ZC3H4: variants seen among roughly 807,000 people sequenced by gnomAD.
ZC3H4 encodes zinc finger CCCH-type containing 4.
In ZC3H4, 13 loss-of-function variants were observed where a neutral mutation model predicts 108.3. The observed-to-expected ratio is 0.12, with a 90% confidence interval of 0.08 to 0.19. ZC3H4 has a LOEUF of 0.19. Among genes scored for constraint, ZC3H4 ranks in the 10% least tolerant of loss-of-function variants. The pLI is 1.00. For missense variants in ZC3H4, 1,734 were observed against 1,838.8 expected (o/e 0.94, Z 1.04); for synonymous variants, 917 against 749.6 (o/e 1.22, Z -3.65).
At position 47,066,571 on chromosome 19, in the gene ZC3H4, T is replaced by C; in HGVS notation, c.3697A>G (p.Thr1233Ala). 1.3e-6 allele frequency: 2 copies of C among 1,583,848 alleles called. No homozygotes were observed. Among genetic ancestry groups the C allele is most frequent in the Non-Finnish European group, 1.7e-6 (2 of 1,164,594 alleles). The part of the protein sequence containing the change: ...PKAAAAPAAT[T>A]ATPPPEGAPP... ...GCACCCTCGGGGGGTGGGGTGGCGG[T>C]GGTGGCAGCGGGGGCTGCAGCAGCC... is the stretch of plus-strand genomic sequence containing the variant. The change falls in exon 15 of 15, where the codon ACC becomes GCC. Residue 1233 changes from threonine to alanine, a missense_variant. By Grantham distance (58) the Thr-to-Ala change is moderately conservative. Coordinates refer to ENST00000253048, the MANE Select transcript of ZC3H4 (RefSeq NM_015168.2).
intron 6 of ZC3H4, among the ~76,000 whole-genome samples, chr19:47,085,631 T>TC (rs1270287746): frequency 6.6e-6 from 1 of 152,044 alleles, no homozygotes; most frequent in African/African-American, 2.4e-5. Context: ...GCATGGAGCC[T>TC]CCCTACGTAC....
In ZC3H4 at chr19:47,072,186, G is replaced by A. The variant is rs576722241; in HGVS notation, c.1803-65C>T. On this transcript the variant is annotated intron_variant, in intron 12 of 14. Transcript: ENST00000253048. This position sits in a 1 kb window ranked among gnomAD's most constrained non-coding sequence, Gnocchi z 5.6. ...GGAGGGCAGTGGCCACACCCCAGAG[G>A]AGAGGCGGAGGGCTGCAGAGCCGAA... 2.4e-5 allele frequency: 35 copies of A among 1,445,766 alleles called. No homozygotes were observed. In the South Asian group the frequency reaches 3.7e-4, roughly 15 times the overall value. The allele number at this position is 1,445,766 out of a possible 1,614,324, so 89.6% of individuals were successfully genotyped here. A position where few individuals can be genotyped will look rare whatever the true frequency, so the allele number is the denominator to read the frequency against.
rs936626998 is a variant in ZC3H4, at chr19:47,083,576, G to C, written c.1218+769C>G. Among the ~76,000 whole-genome samples the C allele has an allele frequency of 3.2e-4, 49 of 151,958 alleles. 1 individual carries two copies. The highest frequency in any genetic ancestry group is 6.3e-4 in the Non-Finnish European group (43 of 68,002). ...AAAAATTAGCCGGGTGTGGTGGCGG[G>C]CAGGCACCTATAGTCTCAGCTACTC... On this transcript the variant is annotated intron_variant, in intron 9 of 14. Coordinates refer to ENST00000253048, the MANE Select transcript of ZC3H4 (RefSeq NM_015168.2).
At chr19:47,082,418 C>T (rs1049630462) in intron 9 of ZC3H4, 123 bp from the exon 10 acceptor site, 7 of 732,846 alleles carry the variant, frequency 9.6e-6, no homozygotes, top group African/African-American at 8.6e-5. Flanking sequence ...GAAACGAATC[C>T]CCCTTAGGAA....
Position 47,112,302 on chromosome 19 carries a change from T to TTCCTCC in ZC3H4, c.161+116_161+121dup, listed in dbSNP as rs371203061. ...CGAGAGACACCCACCGACCCCGCCC[T>TTCCTCC]TCCTCCTCCTCCTCCTCCTCCTCCT... On this transcript the variant is annotated intron_variant, in intron 2 of 14. Coordinates refer to ENST00000253048, the MANE Select transcript of ZC3H4 (RefSeq NM_015168.2). 260 of 1,051,928 alleles carry TTCCTCC rather than the reference T, an allele frequency of 2.5e-4. 1 individual carries two copies. Among genetic ancestry groups the TTCCTCC allele is most frequent in the African/African-American group, 1.6e-3 (97 of 60,112 alleles). 65.2% of individuals were successfully genotyped at this position (1,051,928 alleles called of 1,614,324 possible). A position where few individuals can be genotyped will look rare whatever the true frequency, so the allele number is the denominator to read the frequency against.
chr19:47,072,140 G>A lies in ZC3H4; in HGVS notation c.1803-19C>T. On this transcript the variant is annotated intron_variant, in intron 12 of 14. Coordinates refer to ENST00000253048, the MANE Select transcript of ZC3H4 (RefSeq NM_015168.2). The surrounding 1 kb of genome is among the most constrained non-coding windows in gnomAD (Gnocchi z 5.6). The stretch of plus-strand genomic sequence containing the variant: ...AGGGAACCTAGAAGAGGGAAAAGGT[G>A]CCTGTGACGGAAGCTGCCGAGGAGG... 1 of 1,505,038 alleles carries A rather than the reference G, an allele frequency of 6.6e-7. No individual in the cohort carries two copies. Among genetic ancestry groups the A allele is most frequent in the African/African-American group, 1.4e-5 (1 of 71,384 alleles). 93.2% of individuals were successfully genotyped at this position (1,505,038 alleles called of 1,614,324 possible).
chr19:47,097,916 C>T (rs995231941), intron 2 of ZC3H4, among the ~76,000 whole-genome samples: 17 of 152,200 alleles, frequency 1.1e-4, no homozygotes, highest in African/African-American at 3.9e-4. Context: ...CGGTCCGCTG[C>T]CCAGAGCCCT....
At chr19:47,089,920 G>A (rs372146042) in intron 5 of ZC3H4, 47 bp downstream of exon 5, 86 of 1,603,280 alleles carry the variant, frequency 5.4e-5, no homozygotes, top group Non-Finnish European at 6.6e-5. Context: ...GGGTTGGCCC[G>A]GGTGGCTCCG....
intron 2 of ZC3H4, among the ~76,000 whole-genome samples, chr19:47,103,712 G>C (rs948654351): frequency 4.0e-5 from 6 of 149,048 alleles, no homozygotes; most frequent in Admixed American, 3.4e-4. Context: ...GGATCACGAG[G>C]TCAGGAGATT....
At chr19:47,093,530 G>C (rs1043200471) in intron 4 of ZC3H4, among the ~76,000 whole-genome samples, 3 of 152,218 alleles carry the variant, frequency 2.0e-5, no homozygotes, top group Non-Finnish European at 2.9e-5. Context: ...ATGGAGGTCA[G>C]CTAGGGCCTG....
In ZC3H4 at chr19:47,065,292, C is replaced by T. The variant is rs2057178486; in HGVS notation, c.*1064G>A. The T allele has an allele frequency of 6.5e-6, 1 of 152,834 alleles. No homozygotes were observed. Among genetic ancestry groups the T allele is most frequent in the Non-Finnish European group, 1.5e-5 (1 of 68,224 alleles). The allele number at this position is 152,834 out of a possible 1,614,324, so 9.5% of individuals were successfully genotyped here. ...CATCTGCTGGCTTGGGAAAGGAAAC[C>T]CGAACACATCAATACCTCATGCCCT... On this transcript the variant is annotated 3_prime_UTR_variant, in exon 15 of 15. Coordinates refer to ENST00000253048, the MANE Select transcript of ZC3H4 (RefSeq NM_015168.2).
chr19:47,081,800 G>A (rs1186023134), intron 10 of ZC3H4, among the ~76,000 whole-genome samples, 178 bp from the exon 11 acceptor site: 1 of 152,104 alleles, frequency 6.6e-6, no homozygotes, highest in African/African-American at 2.4e-5. Flanking sequence ...GAGAGACCCC[G>A]GCACTCCAGA....
chr19:47,107,413 C>T (rs1447647537), intron 2 of ZC3H4, among the ~76,000 whole-genome samples: 1 of 152,064 alleles, frequency 6.6e-6, no homozygotes, highest in Non-Finnish European at 1.5e-5. Flanking sequence ...TGCACACTGC[C>T]GGGGAGAAGC....
At position 47,064,838 on chromosome 19, in the gene ZC3H4, G is replaced by C. The variant is rs1008400615; in HGVS notation, c.*1518C>G. On this transcript the variant is annotated 3_prime_UTR_variant, in exon 15 of 15. Coordinates refer to ENST00000253048, the MANE Select transcript of ZC3H4 (RefSeq NM_015168.2). Reference sequence around the variant, plus strand: ...CCTGCCTCCTGGCTCCAAACTATGAGTTTTTCATTTTTCTCTTTTTGGGGT... The same window carrying C: ...CCTGCCTCCTGGCTCCAAACTATGACTTTTTCATTTTTCTCTTTTTGGGGT... 2 of 152,066 alleles carry C rather than the reference G, an allele frequency of 1.3e-5. No individual in the cohort carries two copies. The highest frequency in any genetic ancestry group is 4.8e-5 in the African/African-American group (2 of 41,366). The allele number at this position is 152,066 out of a possible 1,614,324, so 9.4% of individuals were successfully genotyped here.
At chr19:47,106,910 G>A in intron 2 of ZC3H4, among the ~76,000 whole-genome samples, 1 of 152,200 alleles carries the variant, frequency 6.6e-6, no homozygotes, top group South Asian at 2.1e-4. Flanking sequence ...CCTCTGGAGA[G>A]AGTAAAGGAC....
chr19:47,073,703 A>G (rs895470734), intron 11 of ZC3H4, among the ~76,000 whole-genome samples: 2 of 152,186 alleles, frequency 1.3e-5, no homozygotes, highest in Non-Finnish European at 2.9e-5. Flanking sequence ...CACACTAAGC[A>G]ATCGCTCCCC....
At chr19:47,091,618 T>C (rs1600080364) in intron 4 of ZC3H4, among the ~76,000 whole-genome samples, 1 of 146,834 alleles carries the variant, frequency 6.8e-6, no homozygotes, top group Admixed American at 6.9e-5. Flanking sequence ...CCAAGCGTGG[T>C]AGCTCACGCC....
rs113667568 is a variant in ZC3H4, at chr19:47,074,917, G to A, written c.1441-2204C>T. ...CTTCACCGCAGTTAACATCTTGGCC[G>A]TGAGTCCCCCAGCAAGTTGCTCTGG... On this transcript the variant is annotated intron_variant, in intron 11 of 14. Transcript: ENST00000253048. Among the ~76,000 whole-genome samples, 901 of 152,288 alleles carry A rather than the reference G, an allele frequency of 5.9e-3. 11 individuals are homozygous for A. Among genetic ancestry groups the A allele is most frequent in the African/African-American group, 0.02 (843 of 41,550 alleles).
At position 47,092,892 on chromosome 19, in the gene ZC3H4, C is replaced by T. The variant is rs368681967; in HGVS notation, c.492+1078G>A. 2.5e-4 allele frequency among the ~76,000 whole-genome samples: 38 copies of T among 151,962 alleles called. 1 individual carries two copies. The highest frequency in any genetic ancestry group is 1.8e-3 in the Admixed American group (27 of 15,248). Reference sequence around the variant, plus strand: ...TTTCTCATCCAAACCCGGACACCCACGTGCCAACGAATACTGGGTAAAGTA... The same window carrying T: ...TTTCTCATCCAAACCCGGACACCCATGTGCCAACGAATACTGGGTAAAGTA... On this transcript the variant is annotated intron_variant, in intron 4 of 14. Coordinates refer to ENST00000253048, the MANE Select transcript of ZC3H4 (RefSeq NM_015168.2).
Sources: gnomAD v4.1 joint callset for allele counts (sites outside exome capture counted in the v4.1 genomes callset) on GRCh38, gnomAD v4.1.1 for gene constraint, Gnocchi (gnomAD v3.1) non-coding constraint, MANE v1.5 for transcripts, NCBI Gene and HGNC (gene_info 2026-07-23, HGNC 2026-07-21) for gene names.